Variants in GALP observed in about 807,000 individuals in gnomAD.
GALP encodes the protein galanin-like peptide.
GALP carries 12 observed loss-of-function variants against 15.2 expected under a neutral mutation model. The ratio of observed to expected loss-of-function variants is 0.79; its 90% CI spans 0.51 to 1.28. GALP has a LOEUF of 1.28. Ranked by LOEUF, GALP falls within the 50% of genes most tolerant of loss-of-function variation. GALP has a pLI of 0.00. For synonymous variants in GALP, 58 were observed against 55.1 expected (o/e 1.05, Z -0.23); for missense variants, 161 against 145.6 (o/e 1.11, Z -0.55).
chr19:56,182,085 G>C (rs905733740), intron 3 of GALP, 87 bp from the exon 4 acceptor site: 1 of 936,458 alleles, frequency 1.1e-6, no homozygotes, highest in Non-Finnish European at 1.8e-6. Flanking sequence ...TGCGTCCGGT[G>C]AGCCATGCTG....
At chr19:56,180,911 C>CTTTTTT (rs751903988) in intron 3 of GALP, among the ~76,000 whole-genome samples, 3 of 90,666 alleles carry the variant, frequency 3.3e-5, no homozygotes, top group African/African-American at 9.0e-5. Context: ...TTCTTTCTTT[C>CTTTTTT]TTTCTTTTTT....
intron 4 of GALP, among the ~76,000 whole-genome samples, chr19:56,182,806 C>A (rs1317383035): frequency 6.6e-6 from 1 of 152,150 alleles, no homozygotes; most frequent in African/African-American, 2.4e-5. Context: ...GATCTGCCCC[C>A]ATCAGTCTCC....
Position 56,185,338 on chromosome 19 carries a change from G to T in GALP, c.*68G>T. The T allele has an allele frequency of 2.2e-6, 2 of 916,936 alleles. No homozygotes were observed. Among genetic ancestry groups the T allele is most frequent in the Non-Finnish European group, 3.5e-6 (2 of 573,630 alleles). The allele number at this position is 916,936 out of a possible 1,614,324, so 56.8% of individuals were successfully genotyped here. A position where few individuals can be genotyped will look rare whatever the true frequency, so the allele number is the denominator to read the frequency against. On this transcript the variant is annotated 3_prime_UTR_variant, in exon 6 of 6. Coordinates refer to ENST00000357330, the MANE Select transcript of GALP (RefSeq NM_033106.4). ...CCTGCTCCCTCTGAAACCTTTTCTA[G>T]GTACCCTATGCTGAGACTAAGATCC...
intron 2 of GALP, 152 bp downstream of exon 2, chr19:56,177,347 C>T (rs896975088): frequency 1.5e-6 from 1 of 677,898 alleles, no homozygotes; most frequent in African/African-American, 1.8e-5. Flanking sequence ...CGTGTCTCTA[C>T]TAAAAACACA....
At position 56,177,184 on chromosome 19, in the gene GALP, C is replaced by T. The variant is rs142741863; in HGVS notation, c.76C>T (p.Pro26Ser). Residue 26 changes from proline (P) to serine (S), a missense_variant, in exon 2 of 6, where the codon CCT becomes TCT. Physicochemically the swap from Pro to Ser is moderately conservative, Grantham distance 74 (BLOSUM62 -1). Transcript: ENST00000357330. ...CCTGGCAGAGACTCCAGCATCCGCA[C>T]CTGCCCACCGGGTAACGCCTCCCTA... ...LSLAETPASAPAHRGRGGWTL... is the reference protein window; with the variant it reads ...LSLAETPASASAHRGRGGWTL... 14 of 1,613,410 alleles carry T rather than the reference C, an allele frequency of 8.7e-6. No individual in the cohort carries two copies. The East Asian group carries it at 1.3e-4, about 15-fold the overall frequency.
In GALP at chr19:56,182,239, G is replaced by C; in HGVS notation, c.204G>C (p.Leu68=). The change falls in exon 4 of 6, where the codon CTG becomes CTC. Residue 68 remains leucine (L), a synonymous_variant. Transcript: ENST00000357330. ...KRETALEILD[L]WKAIDGLPYS... is the part of the protein sequence containing the mutation. ...AGACAGCCCTTGAGATCCTAGACCT[G>C]TGGAAGGCCATCGGTGAGTGAGCGG... 1 of 1,613,538 alleles carries C rather than the reference G, an allele frequency of 6.2e-7. No homozygotes were observed. The highest frequency in any genetic ancestry group is 8.5e-7 in the Non-Finnish European group (1 of 1,179,458).
Position 56,177,027 on chromosome 19 carries a change from TG to T in GALP, c.-39-41del, listed in dbSNP as rs367671017. On this transcript the variant is annotated intron_variant, in intron 1 of 5. Coordinates refer to ENST00000357330, the MANE Select transcript of GALP (RefSeq NM_033106.4). ...CCTCTGTCCTTATCGGAAATGCACCTGGCCCCCGCTTCGGAAAATGACTGGC... is the reference window on the plus strand; with the variant it reads ...CCTCTGTCCTTATCGGAAATGCACCTGCCCCCGCTTCGGAAAATGACTGGC... 292 of 977,844 alleles carry T rather than the reference TG, an allele frequency of 3.0e-4. No homozygotes were observed. The East Asian group carries it at 6.4e-3, about 21-fold the overall frequency. The allele number at this position is 977,844 out of a possible 1,614,324, so 60.6% of individuals were successfully genotyped here.
intron 2 of GALP, among the ~76,000 whole-genome samples, chr19:56,177,791 CTGAG>C (rs2032491291): frequency 6.6e-6 from 1 of 152,178 alleles, no homozygotes; most frequent in African/African-American, 2.4e-5. Context: ...TCTCTGGTCT[CTGAG>C]TGGATCTTCT....
chr19:56,177,147 C>A lies in GALP; in HGVS notation c.39C>A (p.Val13=), dbSNP rs2032477857. The A allele has an allele frequency of 6.2e-7, 1 of 1,613,578 alleles. No homozygotes were observed. The highest frequency in any genetic ancestry group is 1.7e-5 in the Admixed American group (1 of 59,962). The change falls in exon 2 of 6, where the codon GTC becomes GTA. Residue 13 remains valine (V), a synonymous_variant. Coordinates refer to ENST00000357330, the MANE Select transcript of GALP (RefSeq NM_033106.4). The part of the protein sequence containing the change: ...PPSVPLVLLL[V]LLLSLAETPA... ...CCGTCCCCCTGGTCCTCCTCCTCGT[C>A]CTCTTGCTGAGCCTGGCAGAGACTC...
intron 5 of GALP, among the ~76,000 whole-genome samples, chr19:56,184,207 T>C (rs1599931757): frequency 6.6e-6 from 1 of 151,762 alleles, no homozygotes; most frequent in East Asian, 2.0e-4. Flanking sequence ...CTGCCCGCCT[T>C]GGCCTCCCAA....
chr19:56,180,296 G>A (rs2032541421), intron 2 of GALP, among the ~76,000 whole-genome samples: 1 of 152,170 alleles, frequency 6.6e-6, no homozygotes, highest in Non-Finnish European at 1.5e-5. Context: ...TCTTCATCCT[G>A]CATAACTGAA....
chr19:56,184,178 ACTCCTGAT>A (rs1339680772), intron 5 of GALP, among the ~76,000 whole-genome samples: 1 of 151,334 alleles, frequency 6.6e-6, no homozygotes. Flanking sequence ...CTGGTATCCA[ACTCCTGAT>A]CTCAGGTGAT....
chr19:56,182,055 G>T lies in GALP; in HGVS notation c.137-117G>T. On this transcript the variant is annotated intron_variant, in intron 3 of 5. Transcript: ENST00000357330. ...GGGACGGTCAACACGCACCCCGTCCGACAGACTTGGTGGAGGCGCTGCGTC... is the reference window on the plus strand; with the variant it reads ...GGGACGGTCAACACGCACCCCGTCCTACAGACTTGGTGGAGGCGCTGCGTC... 4.0e-6 allele frequency: 3 copies of T among 755,426 alleles called. No homozygotes were observed. The South Asian group carries it at 4.7e-5, about 12-fold the overall frequency. The allele number at this position is 755,426 out of a possible 1,614,324, so 46.8% of individuals were successfully genotyped here. A position where few individuals can be genotyped will look rare whatever the true frequency, so the allele number is the denominator to read the frequency against.
chr19:56,177,254 AAG>A (rs2032480809), intron 2 of GALP, 59 bp downstream of exon 2: 3 of 1,405,462 alleles, frequency 2.1e-6, no homozygotes, highest in Non-Finnish European at 3.0e-6. Flanking sequence ...GCCCTCTGGG[AAG>A]AGTTTTTAAA....
intron 3 of GALP, among the ~76,000 whole-genome samples, chr19:56,180,987 C>T (rs558392289): frequency 3.6e-5 from 5 of 138,148 alleles, no homozygotes; most frequent in Admixed American, 8.1e-5. Context: ...GTGAATGGTG[C>T]GATCTCAGCT....
At chr19:56,185,162 G>A in intron 5 of GALP, 53 bp from the exon 6 acceptor site, 1 of 1,141,836 alleles carries the variant, frequency 8.8e-7, no homozygotes, top group Non-Finnish European at 1.3e-6. Flanking sequence ...TTAGCTGGGT[G>A]GGGAGTGATA....
intron 2 of GALP, among the ~76,000 whole-genome samples, chr19:56,178,108 C>T (rs1204609875): frequency 1.3e-5 from 2 of 151,500 alleles, no homozygotes; most frequent in East Asian, 1.9e-4. Flanking sequence ...GCAGTGTAGC[C>T]GTATTTCCAC....
chr19:56,178,551 G>A (rs1056694253), intron 2 of GALP, among the ~76,000 whole-genome samples: 4 of 142,934 alleles, frequency 2.8e-5, no homozygotes, highest in African/African-American at 8.1e-5. Flanking sequence ...AAGAGACGCC[G>A]GCTTGGCATT....
rs1358714174 is a variant in GALP, at chr19:56,185,720, A to C, written c.*450A>C. 1 of 152,908 alleles carries C rather than the reference A, an allele frequency of 6.5e-6. No individual in the cohort carries two copies. The highest frequency in any genetic ancestry group is 2.4e-5 in the African/African-American group (1 of 41,472). 9.5% of individuals were successfully genotyped at this position (152,908 alleles called of 1,614,324 possible). ...TCAACCCACATGAGTCTCCTCGAGA[A>C]GTGAGGAGAGGCAGTTTGGAGCAGA... On this transcript the variant is annotated 3_prime_UTR_variant, in exon 6 of 6. Transcript: ENST00000357330.
Sources: allele counts gnomAD v4.1 joint callset (sites outside exome capture counted in the v4.1 genomes callset), GRCh38; gene constraint gnomAD v4.1.1; transcripts MANE v1.5; gene names NCBI Gene and HGNC (gene_info 2026-07-23, HGNC 2026-07-21).